The following VDAC3 variants were observed in gnomAD, a reference collection of about 807,000 sequenced individuals.
The protein encoded by VDAC3 is voltage dependent anion channel 3, also known as non-selective voltage-gated ion channel VDAC3.
Under a neutral mutation model 33.9 loss-of-function variants are expected in VDAC3, and 7 were observed. The observed-to-expected ratio is 0.21, with a 90% CI of 0.12 to 0.39. The LOEUF (loss-of-function observed/expected upper bound fraction) is 0.39, where lower values mean the gene tolerates loss of function less well. VDAC3 is among the 10% of genes least tolerant of loss of function. VDAC3 has a pLI of 1.00. For missense variants in VDAC3, 261 were observed against 334.5 expected (o/e 0.78, Z 1.71); for synonymous variants, 100 against 122.4 (o/e 0.82, Z 1.21).
At chr8:42,393,948 G>A (rs958596446) in intron 2 of VDAC3, 64 bp downstream of exon 2, 5 of 475,620 alleles carry the variant, frequency 1.1e-5, no homozygotes, top group African/African-American at 1.0e-4. Context: ...CATCCTGTAA[G>A]AACTTACTTT....
At position 42,405,663 on chromosome 8, in the gene VDAC3, G is replaced by T; in HGVS notation, c.*201G>T. On this transcript the variant is annotated 3_prime_UTR_variant, in exon 10 of 10. Coordinates refer to ENST00000022615, the MANE Select transcript of VDAC3 (RefSeq NM_005662.7). ...ATGCTTGAAGGCATGCCTGGAAGTT[G>T]TCATGTTTGTGCCACGTTTCAGTTC... 1.9e-6 allele frequency: 1 copy of T among 523,266 alleles called. No homozygotes were observed. Among genetic ancestry groups the T allele is most frequent in the Non-Finnish European group, 3.4e-6 (1 of 291,202 alleles). The allele number at this position is 523,266 out of a possible 1,614,324, so 32.4% of individuals were successfully genotyped here.
At chr8:42,395,398 T>C (rs1802290627) in intron 4 of VDAC3, among the ~76,000 whole-genome samples, 1 of 152,288 alleles carries the variant, frequency 6.6e-6, no homozygotes. Context: ...GTCATATGTT[T>C]ATACTTTCAT....
chr8:42,398,939 T>C, intron 5 of VDAC3, 75 bp downstream of exon 5: 1 of 1,536,202 alleles, frequency 6.5e-7, no homozygotes, highest in Admixed American at 1.9e-5. Context: ...ACCCCAAATA[T>C]AATCAAAAGA....
intron 6 of VDAC3, among the ~76,000 whole-genome samples, chr8:42,401,548 A>G (rs1463577310): frequency 6.6e-6 from 1 of 152,252 alleles, no homozygotes; most frequent in East Asian, 1.9e-4. Context: ...ATCATGAAGT[A>G]TCCTATCATT....
In VDAC3 at chr8:42,403,461, T is replaced by G; in HGVS notation, c.702T>G (p.Ser234=). 6.4e-7 allele frequency: 1 copy of G among 1,564,608 alleles called. No homozygotes were observed. Among genetic ancestry groups the G allele is most frequent in the Middle Eastern group, 1.7e-4 (1 of 5,812 alleles). The change falls in exon 8 of 10, where the codon TCT becomes TCG. Residue 234 remains serine, a splice_region_variant and synonymous_variant. Transcript: ENST00000022615. ...KYMLDCRTSL[S]AKVNNASLIG... ...TGCTGGATTGTAGAACTTCTCTCTC[T>G]GTAAGAATGTGCTGCCAGATTGGAT...
At chr8:42,392,502 G>A (rs1824888102) in intron 1 of VDAC3, among the ~76,000 whole-genome samples, 1 of 152,190 alleles carries the variant, frequency 6.6e-6, no homozygotes, top group Non-Finnish European at 1.5e-5. Context: ...TACTCTCGAG[G>A]AACATGAAGT....
rs1233546657 is a variant in VDAC3 at position 42,398,694 on chromosome 8, T to C, written c.118-18T>C. 3 of 1,601,846 alleles carry C rather than the reference T, an allele frequency of 1.9e-6. No homozygotes were observed. Among genetic ancestry groups the C allele is most frequent in the Non-Finnish European group, 2.5e-6 (3 of 1,176,496 alleles). ...TGATGAGCTAATTTTAAAGTAATTA[T>C]TTTTTCTTGCTTACCAGGAATTTTC... On this transcript the variant is annotated intron_variant, in intron 4 of 9. Coordinates refer to ENST00000022615, the MANE Select transcript of VDAC3 (RefSeq NM_005662.7).
At chr8:42,394,092 G>T in intron 2 of VDAC3, 118 bp from the exon 3 acceptor site, 1 of 861,074 alleles carries the variant, frequency 1.2e-6, no homozygotes, top group South Asian at 1.4e-5. Flanking sequence ...AAGCATTAAT[G>T]ATACACAGGA....
chr8:42,396,703 T>A, intron 4 of VDAC3: 1 of 687,810 alleles, frequency 1.5e-6, no homozygotes, highest in Non-Finnish European at 2.6e-6. Context: ...AGCTTATTCG[T>A]ATGCTTGTTT....
At chr8:42,399,732 C>T (rs368725316) in intron 6 of VDAC3, 29 bp downstream of exon 6, 172 of 1,604,760 alleles carry the variant, frequency 1.1e-4, no homozygotes, top group African/African-American at 8.7e-4. Context: ...TTTCCTGAAA[C>T]GTTTTTGGAG....
At position 42,405,386 on chromosome 8, in the gene VDAC3, T is replaced by C; in HGVS notation, c.776T>C (p.Leu259Ser). ...QTLRPGVKLT[L>S]SALIDGKNFS... is the part of the protein sequence containing the mutation. ...TTCTTCCTAGGAGTCAAATTGACTT[T>C]ATCAGCTTTAATCGATGGGAAGAAC... Residue 259 changes from leucine to serine, a missense_variant, in exon 10 of 10, where the codon TTA (leucine) becomes TCA (serine). Physicochemically the swap from Leu to Ser is moderately radical, Grantham distance 145 (BLOSUM62 -2). Coordinates refer to ENST00000022615, the MANE Select transcript of VDAC3 (RefSeq NM_005662.7). 6.2e-7 allele frequency: 1 copy of C among 1,613,250 alleles called. No individual in the cohort carries two copies.
intron 3 of VDAC3, among the ~76,000 whole-genome samples, chr8:42,394,751 T>G (rs1802275443): frequency 6.6e-6 from 1 of 152,222 alleles, no homozygotes; most frequent in Non-Finnish European, 1.5e-5. Context: ...TTTTTTCTTA[T>G]TAACTAGTAA....
Position 42,401,899 on chromosome 8 carries a change from C to T in VDAC3, c.435C>T (p.Ala145=). 1 of 1,614,242 alleles carries T rather than the reference C, an allele frequency of 6.2e-7. No homozygotes were observed. The highest frequency in any genetic ancestry group is 2.2e-5 in the East Asian group (1 of 44,892). The change falls in exon 7 of 10, where the codon GCC becomes GCT. Residue 145 remains alanine (A), a synonymous_variant. Coordinates refer to ENST00000022615, the MANE Select transcript of VDAC3 (RefSeq NM_005662.7). ...CCATCTATGGCTGGGCTGTGTTGGC[C>T]TTCGAAGGGTGGCTTGCTGGCTATC... The part of the protein sequence containing the change: ...GPTIYGWAVL[A]FEGWLAGYQM...
At chr8:42,397,371 T>G (rs1438462655) in intron 4 of VDAC3, 1 of 152,258 alleles carries the variant, frequency 6.6e-6, no homozygotes, top group Non-Finnish European at 1.5e-5. Flanking sequence ...TTCCCAGTTG[T>G]CTCATCTGCC....
intron 4 of VDAC3, among the ~76,000 whole-genome samples, chr8:42,395,735 G>A (rs897106588): frequency 3.3e-5 from 5 of 152,006 alleles, no homozygotes; most frequent in African/African-American, 1.2e-4. Context: ...CGAGGTGGGC[G>A]GGTCATGAGG....
rs776478439 is a variant in VDAC3, at chr8:42,405,489, G to A, written c.*27G>A. On this transcript the variant is annotated 3_prime_UTR_variant, in exon 10 of 10. Coordinates refer to ENST00000022615, the MANE Select transcript of VDAC3 (RefSeq NM_005662.7). ...GTGGTTTGAGGAAAGCATCAGATTT[G>A]TCCCTGGAAGTGAAGAGAAATGAAC... 1.9e-5 allele frequency: 30 copies of A among 1,583,892 alleles called. No individual in the cohort carries two copies. The East Asian group carries it at 2.7e-4, about 14-fold the overall frequency.
At position 42,403,412 on chromosome 8, in the gene VDAC3, G is replaced by A. The variant is rs751469875; in HGVS notation, c.653G>A (p.Arg218His). ...LAWTAGSNNT[R>H]FGIAAKYMLD... ...TGGACAGCTGGGAGTAACAACACCCGTTTTGGCATTGCTGCTAAGTACATG... is the reference window on the plus strand; with the variant it reads ...TGGACAGCTGGGAGTAACAACACCCATTTTGGCATTGCTGCTAAGTACATG... The change falls in exon 8 of 10, where the codon CGT (arginine) becomes CAT (histidine). Residue 218 changes from arginine (R) to histidine (H), a missense_variant. Arg to His is a conservative substitution (Grantham distance 29). Coordinates refer to ENST00000022615, the MANE Select transcript of VDAC3 (RefSeq NM_005662.7). 2.9e-5 allele frequency: 47 copies of A among 1,609,820 alleles called. No individual in the cohort carries two copies. The highest frequency in any genetic ancestry group is 3.5e-5 in the Non-Finnish European group (41 of 1,178,748).
At chr8:42,405,013 T>C in intron 9 of VDAC3, 89 bp downstream of exon 9, 3 of 1,214,550 alleles carry the variant, frequency 2.5e-6, no homozygotes, top group Non-Finnish European at 2.4e-6. Flanking sequence ...CTGTAGTCAC[T>C]GTAAGTTGAT....
intron 8 of VDAC3, among the ~76,000 whole-genome samples, chr8:42,403,877 CA>C (rs56769990): frequency 0.029 from 2,579 of 88,740 alleles, 18 homozygotes; most frequent in Non-Finnish European, 0.033. Context: ...GAGCCTATCT[CA>C]AAAAAAAAAA....
Sources: allele counts gnomAD v4.1 joint callset (sites outside exome capture counted in the v4.1 genomes callset), GRCh38; gene constraint gnomAD v4.1.1; transcripts MANE v1.5; gene names NCBI Gene and HGNC (gene_info 2026-07-23, HGNC 2026-07-21).